TAOK1: variants seen among roughly 807,000 people sequenced by gnomAD.
TAOK1 encodes the protein serine/threonine-protein kinase TAO1.
Under a neutral mutation model 138.3 loss-of-function variants are expected in TAOK1, and 21 were observed. The observed-to-expected ratio is 0.15, with a 90% CI of 0.11 to 0.22. TAOK1 has a LOEUF of 0.22. TAOK1 is among the 10% of genes least tolerant of loss of function. The probability of loss-of-function intolerance (pLI) is 1.00; values close to 1 mark genes in which losing one functional copy is unlikely to be tolerated. For missense variants in TAOK1, 651 were observed against 1,227.7 expected (o/e 0.53, Z 7.02); for synonymous variants, 361 against 398.4 (o/e 0.91, Z 1.12).
intron 7 of TAOK1, among the ~76,000 whole-genome samples, chr17:29,480,823 T>C (rs1326840691): frequency 7.0e-6 from 1 of 142,998 alleles, no homozygotes; most frequent in Non-Finnish European, 1.5e-5. Context: ...TGAGCCGAGA[T>C]TGTGCCACTG....
intron 1 of TAOK1, among the ~76,000 whole-genome samples, chr17:29,398,827 C>T (rs529978756): frequency 4.6e-5 from 7 of 152,036 alleles, no homozygotes; most frequent in Admixed American, 2.0e-4. Flanking sequence ...TGAGCCACCA[C>T]ACCCGTTAAT....
Position 29,542,703 on chromosome 17 carries a change from C to G in TAOK1, c.2687C>G (p.Ser896Cys). The G allele has an allele frequency of 6.2e-7, 1 of 1,614,252 alleles. No individual in the cohort carries two copies. The highest frequency in any genetic ancestry group is 8.5e-7 in the Non-Finnish European group (1 of 1,180,048). ...GFSNMVLSNL[S>C]PEAFSHSYPG... Reference sequence around the variant, plus strand: ...AGTAATATGGTCCTTTCTAATCTCTCCCCTGAGGCATTCAGCCACAGCTAC... The same window carrying G: ...AGTAATATGGTCCTTTCTAATCTCTGCCCTGAGGCATTCAGCCACAGCTAC... Residue 896 changes from serine to cysteine, a missense_variant, in exon 20 of 20, where the codon TCC becomes TGC. Ser to Cys is a moderately radical substitution (Grantham distance 112). Around this residue, in one of 8 missense-constraint regions of TAOK1, gnomAD observed 258 missense variants for 548.9 expected, o/e 0.47. Transcript: ENST00000261716.
At chr17:29,409,271 A>T (rs1157204973) in intron 1 of TAOK1, among the ~76,000 whole-genome samples, 2 of 147,606 alleles carry the variant, frequency 1.4e-5, no homozygotes, top group Non-Finnish European at 3.0e-5. Flanking sequence ...TATGAATAAG[A>T]TTGCTAGCAA....
At chr17:29,510,506 A>G (rs757555939) in intron 14 of TAOK1, among the ~76,000 whole-genome samples, 14 of 152,348 alleles carry the variant, frequency 9.2e-5, no homozygotes, top group African/African-American at 2.4e-4. Context: ...ATATTCTACA[A>G]TGAACATGTA....
intron 3 of TAOK1, among the ~76,000 whole-genome samples, chr17:29,473,405 G>A (rs919540808): frequency 2.0e-5 from 3 of 152,100 alleles, no homozygotes; most frequent in Non-Finnish European, 2.9e-5. Flanking sequence ...GGAGGCCAAG[G>A]TAGGTGGATC....
chr17:29,420,436 C>G (rs9906280), intron 1 of TAOK1, among the ~76,000 whole-genome samples: 3 of 151,986 alleles, frequency 2.0e-5, no homozygotes, highest in Non-Finnish European at 4.4e-5. Context: ...TACACAATTA[C>G]GTTTATTAGT....
chr17:29,496,915 A>T (rs1455821129), intron 11 of TAOK1, among the ~76,000 whole-genome samples: 1 of 152,080 alleles, frequency 6.6e-6, no homozygotes, highest in Non-Finnish European at 1.5e-5. Flanking sequence ...CATTTTACAG[A>T]TACCAAAAGC....
At chr17:29,403,171 A>T (rs1372044359) in intron 1 of TAOK1, among the ~76,000 whole-genome samples, 5 of 150,948 alleles carry the variant, frequency 3.3e-5, no homozygotes, top group African/African-American at 9.7e-5. Flanking sequence ...AAAAAAAAAA[A>T]AAAAAAAAAA....
chr17:29,397,785 GTA>G (rs1199231113), intron 1 of TAOK1, among the ~76,000 whole-genome samples: 1 of 145,672 alleles, frequency 6.9e-6, no homozygotes, highest in Admixed American at 6.9e-5. Flanking sequence ...ATATTCGTGT[GTA>G]TATATGTATA....
At chr17:29,534,560 T>A (rs934114060) in intron 19 of TAOK1, among the ~76,000 whole-genome samples, 3 of 152,182 alleles carry the variant, frequency 2.0e-5, no homozygotes, top group African/African-American at 7.2e-5. Context: ...GTGAAGACAG[T>A]CAGCTGAATT....
intron 1 of TAOK1, among the ~76,000 whole-genome samples, chr17:29,427,589 T>G (rs890179605): frequency 6.6e-6 from 1 of 150,584 alleles, no homozygotes; most frequent in African/African-American, 2.4e-5. Context: ...GAGTGATGTA[T>G]CTGTTAGGGT....
At chr17:29,425,454 G>C (rs567493561) in intron 1 of TAOK1, among the ~76,000 whole-genome samples, 11 of 152,276 alleles carry the variant, frequency 7.2e-5, no homozygotes, top group African/African-American at 2.6e-4. Context: ...CGAGCCGGGT[G>C]GACAGCTTGA....
intron 7 of TAOK1, 105 bp downstream of exon 7, chr17:29,480,586 C>T (rs1789709308): frequency 1.1e-5 from 11 of 957,562 alleles, no homozygotes; most frequent in Admixed American, 5.0e-5. Flanking sequence ...ATGTTAAACT[C>T]GGCCAGGTGC....
In TAOK1 at chr17:29,452,245, TAAAC is replaced by T. The variant is rs564589884; in HGVS notation, c.132+569_132+572del. Among the ~76,000 whole-genome samples, 32 of 152,074 alleles carry T rather than the reference TAAAC, an allele frequency of 2.1e-4. No homozygotes were observed. The South Asian group carries it at 6.4e-3, about 31-fold the overall frequency. The stretch of plus-strand genomic sequence containing the variant: ...ATAAATAAATAAATAAATAAATAAA[TAAAC>T]AAATGAAAGAAAGAAAAAGAAAAAA... On this transcript the variant is annotated intron_variant, in intron 2 of 19. Coordinates refer to ENST00000261716, the MANE Select transcript of TAOK1 (RefSeq NM_020791.4).
intron 13 of TAOK1, among the ~76,000 whole-genome samples, chr17:29,507,273 T>G (rs988475749): frequency 6.8e-6 from 1 of 146,768 alleles, no homozygotes; most frequent in African/African-American, 2.5e-5. Flanking sequence ...TTTTTTTTTG[T>G]TTTTTTTTTT....
chr17:29,497,477 G>C (rs1339575961), intron 11 of TAOK1, among the ~76,000 whole-genome samples: 1 of 152,138 alleles, frequency 6.6e-6, no homozygotes. Flanking sequence ...ATCTATATAT[G>C]TGTCTGTGTT....
At chr17:29,396,990 CAAAAAAAAAAAA>C (rs555104841) in intron 1 of TAOK1, among the ~76,000 whole-genome samples, 1 of 69,548 alleles carries the variant, frequency 1.4e-5, no homozygotes, top group Non-Finnish European at 2.5e-5. Flanking sequence ...AACTCTGTCT[CAAAAAAAAAAAA>C]AAAAAAAAAG....
At chr17:29,432,406 C>T (rs959247012) in intron 1 of TAOK1, among the ~76,000 whole-genome samples, 1 of 152,240 alleles carries the variant, frequency 6.6e-6, no homozygotes, top group Non-Finnish European at 1.5e-5. Context: ...AACCCACAAC[C>T]TTCGGCGTGG....
chr17:29,414,271 C>G (rs938892137), intron 1 of TAOK1, among the ~76,000 whole-genome samples: 1 of 151,272 alleles, frequency 6.6e-6, no homozygotes, highest in African/African-American at 2.4e-5. Context: ...TTATTTGATA[C>G]GGAGTCTTGC....
Sources: allele counts gnomAD v4.1 joint callset (sites outside exome capture counted in the v4.1 genomes callset), GRCh38; gene constraint gnomAD v4.1.1; regional missense constraint gnomAD v4.1.1; transcripts MANE v1.5; gene names NCBI Gene and HGNC (gene_info 2026-07-23, HGNC 2026-07-21).